COLEC10: variants seen among roughly 807,000 people sequenced by gnomAD.
COLEC10 encodes the protein collectin subfamily member 10, also known as collectin-10.
COLEC10 carries 22 observed loss-of-function variants against 28.4 expected under a neutral mutation model. The ratio of observed to expected loss-of-function variants is 0.78; its 90% CI spans 0.55 to 1.11. COLEC10 has a LOEUF of 1.11. COLEC10 is among the 50% of genes least tolerant of loss of function. COLEC10 has a pLI of 0.00. For synonymous variants in COLEC10, 125 were observed against 116.1 expected, an observed-to-expected ratio of 1.08 and a Z score of -0.49; for missense variants, 361 against 344.1, an observed-to-expected ratio of 1.05 and a Z score of -0.39.
chr8:119,048,482 T>G (rs1814622214), intron 2 of COLEC10, among the ~76,000 whole-genome samples: 1 of 152,232 alleles, frequency 6.6e-6, no homozygotes, highest in African/African-American at 2.4e-5. Context: ...TCTAAGTCTT[T>G]TTATAGGTGA....
chr8:119,092,116 C>T (rs1363208448), intron 3 of COLEC10, among the ~76,000 whole-genome samples: 1 of 142,650 alleles, frequency 7.0e-6, no homozygotes, highest in East Asian at 2.1e-4. Flanking sequence ...GTCACCCAGG[C>T]TGGAGTGCAG....
chr8:119,016,663 C>A (rs905983800), intron 2 of COLEC10, among the ~76,000 whole-genome samples: 1 of 151,666 alleles, frequency 6.6e-6, no homozygotes, highest in African/African-American at 2.4e-5. Flanking sequence ...ATTTCTATTT[C>A]TCCACAGCCT....
chr8:118,978,803 C>A, the COLEC10 span, among the ~76,000 whole-genome samples: 1 of 151,944 alleles, frequency 6.6e-6, no homozygotes, highest in Non-Finnish European at 1.5e-5. Flanking sequence ...TATACAAAAG[C>A]CCATTTTGCC....
At chr8:119,060,590 C>T (rs1335957853) in intron 2 of COLEC10, among the ~76,000 whole-genome samples, 1 of 152,088 alleles carries the variant, frequency 6.6e-6, no homozygotes, top group Non-Finnish European at 1.5e-5. Context: ...AAAGTAAGAA[C>T]AGTGAGTTTC....
intron 1 of COLEC10, among the ~76,000 whole-genome samples, chr8:119,089,198 C>T (rs554989100): frequency 1.3e-5 from 2 of 152,286 alleles, no homozygotes; most frequent in African/African-American, 4.8e-5. Flanking sequence ...AAGACAGTTG[C>T]CACTCATGGA....
the COLEC10 span, among the ~76,000 whole-genome samples, chr8:118,964,035 C>T: frequency 6.6e-6 from 1 of 152,108 alleles, no homozygotes; most frequent in East Asian, 1.9e-4. Context: ...GTTAAAAGTG[C>T]TATGGAGCAA....
the COLEC10 span, among the ~76,000 whole-genome samples, chr8:118,979,704 A>G: frequency 2.0e-5 from 3 of 152,154 alleles, no homozygotes; most frequent in African/African-American, 7.2e-5. Context: ...AGTATTGTTC[A>G]TGTCTATATA....
chr8:119,092,393 G>T (rs1222693235), intron 3 of COLEC10, among the ~76,000 whole-genome samples: 1 of 152,072 alleles, frequency 6.6e-6, no homozygotes, highest in Non-Finnish European at 1.5e-5. Flanking sequence ...CATCATTAAA[G>T]CCTGAATATT....
chr8:119,087,683 T>C (rs1815507566), intron 1 of COLEC10, among the ~76,000 whole-genome samples: 1 of 152,032 alleles, frequency 6.6e-6, no homozygotes, highest in South Asian at 2.1e-4. Context: ...AACCCCCCTT[T>C]TTGCCCTGAA....
chr8:119,022,431 AGATGACCTC>A (rs760209452), intron 2 of COLEC10, among the ~76,000 whole-genome samples: 44 of 152,176 alleles, frequency 2.9e-4, no homozygotes, highest in Non-Finnish European at 4.9e-4. Flanking sequence ...CATTACATAA[AGATGACCTC>A]GATACTAAGC....
At chr8:118,955,563 T>C in the COLEC10 span, among the ~76,000 whole-genome samples, 1 of 152,166 alleles carries the variant, frequency 6.6e-6, no homozygotes, top group African/African-American at 2.4e-5. Context: ...CACAAATATA[T>C]AAACAAGACT....
chr8:118,970,160 T>A, the COLEC10 span, among the ~76,000 whole-genome samples: 1 of 152,042 alleles, frequency 6.6e-6, no homozygotes, highest in Non-Finnish European at 1.5e-5. Context: ...TGGATAACTT[T>A]TAAAAATAGC....
chr8:119,018,570 C>T (rs1024284575), intron 2 of COLEC10, among the ~76,000 whole-genome samples: 1 of 152,158 alleles, frequency 6.6e-6, no homozygotes, highest in African/African-American at 2.4e-5. Context: ...CAATGGAAAT[C>T]CTAACTTATG....
chr8:118,961,701 T>C, the COLEC10 span, among the ~76,000 whole-genome samples: 86 of 152,158 alleles, frequency 5.7e-4, no homozygotes, highest in Non-Finnish European at 1.9e-4. Context: ...TGCGTCAAAG[T>C]GGTGTTGGCT....
chr8:119,010,746 A>G (rs1168497207), intron 2 of COLEC10, among the ~76,000 whole-genome samples: 1 of 151,080 alleles, frequency 6.6e-6, no homozygotes, highest in East Asian at 1.9e-4. Context: ...CATTTATTTG[A>G]TGACATATGA....
intron 2 of COLEC10, among the ~76,000 whole-genome samples, chr8:119,022,329 A>G (rs1814114428): frequency 6.6e-6 from 1 of 152,126 alleles, no homozygotes; most frequent in East Asian, 1.9e-4. Context: ...ATAGTCAAGT[A>G]TTTGTGCCTC....
chr8:119,020,712 T>C (rs1344770892), intron 2 of COLEC10, among the ~76,000 whole-genome samples: 1 of 152,218 alleles, frequency 6.6e-6, no homozygotes, highest in Admixed American at 6.5e-5. Flanking sequence ...CTTACTTTTT[T>C]ATTATAAGTC....
chr8:118,968,992 G>A, the COLEC10 span, among the ~76,000 whole-genome samples: 1 of 151,936 alleles, frequency 6.6e-6, no homozygotes, highest in South Asian at 2.1e-4. Context: ...AGCAAAAGAG[G>A]TTTCACATAA....
intron 1 of COLEC10, among the ~76,000 whole-genome samples, chr8:119,005,730 C>A (rs1426750497): frequency 1.3e-5 from 2 of 152,066 alleles, no homozygotes; most frequent in African/African-American, 4.8e-5. Flanking sequence ...ACTCATAGAT[C>A]AGAAAGGGCT....
Sources: gnomAD v4.1 joint callset for allele counts (sites outside exome capture counted in the v4.1 genomes callset) on GRCh38, gnomAD v4.1.1 for gene constraint, MANE v1.5 for transcripts, NCBI Gene and HGNC (gene_info 2026-07-23, HGNC 2026-07-21) for gene names.